Variants in WEE1 observed in about 807,000 individuals in gnomAD.
The protein encoded by WEE1 is wee1-like protein kinase.
In WEE1, 16 loss-of-function variants were observed where a neutral mutation model predicts 68.8. The ratio of observed to expected loss-of-function variants is 0.23; its 90% CI spans 0.16 to 0.35. The LOEUF is 0.35. WEE1 is among the 10% of genes least tolerant of loss of function. The pLI is 1.00. For synonymous variants in WEE1, 349 were observed against 318.7 expected (o/e 1.09, Z -1.01); for missense variants, 651 against 824.1 (o/e 0.79, Z 2.57).
Position 9,589,213 on chromosome 11 carries a change from C to T in WEE1, c.*611C>T. The T allele has an allele frequency of 1.0e-6, 1 of 983,766 alleles. No individual in the cohort carries two copies. The highest frequency in any genetic ancestry group is 4.7e-5 in the South Asian group (1 of 21,244). The allele number at this position is 983,766 out of a possible 1,614,324, so 60.9% of individuals were successfully genotyped here. On this transcript the variant is annotated 3_prime_UTR_variant, in exon 11 of 11. Coordinates refer to ENST00000450114, the MANE Select transcript of WEE1 (RefSeq NM_003390.4). ...TAAACAATCATTGTTGTTAATAGGT[C>T]TTCTTTTTGAAACAATTATGTGAAA...
rs1849564248 is a variant in WEE1, at chr11:9,576,260, T to C, written c.813T>C (p.Asp271=). 4 of 1,518,718 alleles carry C rather than the reference T, an allele frequency of 2.6e-6. No homozygotes were observed. Among genetic ancestry groups the C allele is most frequent in the Non-Finnish European group, 3.6e-6 (4 of 1,116,650 alleles). 94.1% of individuals were successfully genotyped at this position (1,518,718 alleles called of 1,614,324 possible). Residue 271 remains aspartate, a synonymous_variant, in exon 3 of 11, where the codon GAT becomes GAC. Coordinates refer to ENST00000450114, the MANE Select transcript of WEE1 (RefSeq NM_003390.4). This position sits in a 1 kb window ranked among gnomAD's most constrained non-coding sequence, Gnocchi z 4.3. ...GTGGTGAAGACATGGAAGCCAGTGA[T>C]TATGAGCTTGAAGATGAAACAAGAC... ...DSCGEDMEAS[D]YELEDETRPA...
At position 9,585,488 on chromosome 11, in the gene WEE1, G is replaced by A; in HGVS notation, c.1431G>A (p.Glu477=). The A allele has an allele frequency of 6.3e-7, 1 of 1,599,054 alleles. No individual in the cohort carries two copies. Among genetic ancestry groups the A allele is most frequent in the African/African-American group, 1.4e-5 (1 of 74,012 alleles). ...GGATCTCCAGTCCACAAGTTGAAGA[G>A]GGCGATAGTCGTTTTCTTGCAAATG... ...VTRISSPQVE[E]GDSRFLANEV... The change falls in exon 8 of 11, where the codon GAG becomes GAA. Residue 477 remains glutamate (E), a synonymous_variant. Coordinates refer to ENST00000450114, the MANE Select transcript of WEE1 (RefSeq NM_003390.4).
intron 6 of WEE1, among the ~76,000 whole-genome samples, chr11:9,583,040 G>A (rs1039941714): frequency 1.3e-5 from 2 of 152,122 alleles, no homozygotes; most frequent in African/African-American, 4.8e-5. Flanking sequence ...TTTAGACCAG[G>A]TGCAGTGGCT....
chr11:9,586,723 C>G lies in WEE1; in HGVS notation c.1654C>G (p.Pro552Ala), dbSNP rs970706601. ...FTELLKVMIHPDPERRPSAMA... is the reference protein window; with the variant it reads ...FTELLKVMIHADPERRPSAMA... ...TTTTCTTTTTAAGGTTATGATTCATCCAGATCCAGAGAGAAGACCTTCAGC... is the reference window on the plus strand; with the variant it reads ...TTTTCTTTTTAAGGTTATGATTCATGCAGATCCAGAGAGAAGACCTTCAGC... The change falls in exon 10 of 11, where the codon CCA becomes GCA. Residue 552 changes from proline to alanine, a missense_variant. Pro to Ala is a conservative substitution (Grantham distance 27, BLOSUM62 -1). Coordinates refer to ENST00000450114, the MANE Select transcript of WEE1 (RefSeq NM_003390.4). The G allele has an allele frequency of 6.2e-7, 1 of 1,613,554 alleles. No individual in the cohort carries two copies. The highest frequency in any genetic ancestry group is 1.3e-5 in the African/African-American group (1 of 74,986).
chr11:9,574,249 G>A lies in WEE1; in HGVS notation c.316G>A (p.Gly106Ser). The A allele has an allele frequency of 9.1e-6, 11 of 1,205,748 alleles. No homozygotes were observed. Among genetic ancestry groups the A allele is most frequent in the Non-Finnish European group, 1.1e-5 (11 of 969,392 alleles). The allele number at this position is 1,205,748 out of a possible 1,614,324, so 74.7% of individuals were successfully genotyped here. A position where few individuals can be genotyped will look rare whatever the true frequency, so the allele number is the denominator to read the frequency against. The change falls in exon 1 of 11, where the codon GGC becomes AGC. Residue 106 changes from glycine (G) to serine (S), a missense_variant. Gly to Ser is a moderately conservative substitution (Grantham distance 56, BLOSUM62 0). Around this residue, in one of 5 missense-constraint regions of WEE1, gnomAD observed 395 missense variants for 378.4 expected, o/e 1.04. Transcript: ENST00000450114. The surrounding 1 kb of genome is among the most constrained non-coding windows in gnomAD (Gnocchi z 4.9). ...CGCCTGCCCGGGCGCGGACGAGGCGGGCGGTGGGGCGGAGGGCGACTCGTG... is the reference window on the plus strand; with the variant it reads ...CGCCTGCCCGGGCGCGGACGAGGCGAGCGGTGGGGCGGAGGGCGACTCGTG... ...PGACPGADEA[G>S]GGAEGDSWEE... is the part of the protein sequence containing the mutation.
At chr11:9,585,395 G>T in intron 7 of WEE1, 42 bp downstream of exon 7, 1 of 1,608,030 alleles carries the variant, frequency 6.2e-7, no homozygotes, top group Non-Finnish European at 8.5e-7. Context: ...ATAAAGAGAA[G>T]GCTGTTTTGT....
At chr11:9,583,794 CACACACACATATATATAT>C (rs1565090031) in intron 6 of WEE1, among the ~76,000 whole-genome samples, 43 of 27,552 alleles carry the variant, frequency 1.6e-3, no homozygotes, top group Middle Eastern at 0.013. Context: ...CACACACACA[CACACACACATATATATAT>C]ATATATATAT....
chr11:9,588,973 A>G lies in WEE1; in HGVS notation c.*371A>G. 1.0e-6 allele frequency: 1 copy of G among 987,604 alleles called. No homozygotes were observed. Among genetic ancestry groups the G allele is most frequent in the Admixed American group, 6.1e-5 (1 of 16,466 alleles). 61.2% of individuals were successfully genotyped at this position (987,604 alleles called of 1,614,324 possible). A position where few individuals can be genotyped will look rare whatever the true frequency, so the allele number is the denominator to read the frequency against. ...TTACAGACATACCCTCCCTTTGAAA[A>G]GGGACATGCTAAAAGACTCATTACT... On this transcript the variant is annotated 3_prime_UTR_variant, in exon 11 of 11. Transcript: ENST00000450114.
In WEE1 at chr11:9,574,884, G is replaced by A; in HGVS notation, c.576+375G>A. ...GCCACCTGACACTCCCGAGCCATAG[G>A]ATGCCTTTTAAACGCGGCGATCGGG... On this transcript the variant is annotated intron_variant, in intron 1 of 10. Transcript: ENST00000450114. The surrounding 1 kb of genome is among the most constrained non-coding windows in gnomAD (Gnocchi z 4.9). The A allele has an allele frequency of 2.0e-6, 2 of 986,834 alleles. No individual in the cohort carries two copies. Among genetic ancestry groups the A allele is most frequent in the Non-Finnish European group, 2.4e-6 (2 of 830,934 alleles). 61.1% of individuals were successfully genotyped at this position (986,834 alleles called of 1,614,324 possible). A position where few individuals can be genotyped will look rare whatever the true frequency, so the allele number is the denominator to read the frequency against.
In WEE1 at chr11:9,585,366, AT is replaced by A; in HGVS notation, c.1384+14del. 6.2e-7 allele frequency: 1 copy of A among 1,612,384 alleles called. No individual in the cohort carries two copies. The highest frequency in any genetic ancestry group is 1.1e-5 in the South Asian group (1 of 90,766). On this transcript the variant is annotated intron_variant, in intron 7 of 10. Coordinates refer to ENST00000450114, the MANE Select transcript of WEE1 (RefSeq NM_003390.4). Reference sequence around the variant, plus strand: ...ATGTTTAAAATAGGTAAGAAAGGTAATCAGATTATTACCTTCAGATAAAGAG... The same window carrying A: ...ATGTTTAAAATAGGTAAGAAAGGTAACAGATTATTACCTTCAGATAAAGAG...
intron 5 of WEE1, chr11:9,579,183 G>A (rs1186492399): frequency 2.0e-5 from 3 of 152,140 alleles, no homozygotes; most frequent in Non-Finnish European, 4.4e-5. Flanking sequence ...TAAAACTCTT[G>A]AAGAAAATAA....
rs61158431 is a variant in WEE1, at chr11:9,578,879, TTTTATTTATTTATTTATTTA to T, written c.1141+1640_1141+1659del. 211 of 142,244 alleles carry T rather than the reference TTTTATTTATTTATTTATTTA, an allele frequency of 1.5e-3. 4 individuals are homozygous for T. The highest frequency in any genetic ancestry group is 5.1e-3 in the African/African-American group (198 of 38,678). 8.8% of individuals were successfully genotyped at this position (142,244 alleles called of 1,614,324 possible). A position where few individuals can be genotyped will look rare whatever the true frequency, so the allele number is the denominator to read the frequency against. ...ATAAAATAATCTATTGAAAATAAGT[TTTTATTTATTTATTTATTTA>T]TTTATTTATTTATTTATTTATTTTT... On this transcript the variant is annotated intron_variant, in intron 5 of 10. Coordinates refer to ENST00000450114, the MANE Select transcript of WEE1 (RefSeq NM_003390.4).
intron 5 of WEE1, 158 bp from the exon 6 acceptor site, chr11:9,581,374 C>A: frequency 1.6e-6 from 1 of 619,090 alleles, no homozygotes; most frequent in Non-Finnish European, 2.7e-6. Context: ...ATTGAAAAAA[C>A]AATAAAATTT....
Position 9,586,333 on chromosome 11 carries a change from G to A in WEE1, c.1471-116G>A, listed in dbSNP as rs990827541. 3.0e-5 allele frequency: 26 copies of A among 854,904 alleles called. No homozygotes were observed. The South Asian group carries it at 3.5e-4, about 11-fold the overall frequency. The allele number at this position is 854,904 out of a possible 1,614,324, so 53.0% of individuals were successfully genotyped here. ...CTCTGAATAGGTCCCAAACTTAAAT[G>A]TGGTATTAGACACTTTGATTAAGTC... On this transcript the variant is annotated intron_variant, in intron 8 of 10. Transcript: ENST00000450114.
At chr11:9,584,834 T>C (rs916889536) in intron 6 of WEE1, among the ~76,000 whole-genome samples, 1 of 152,192 alleles carries the variant, frequency 6.6e-6, no homozygotes, top group African/African-American at 2.4e-5. Flanking sequence ...CCCAGCACTT[T>C]GGGAGGCTGA....
At chr11:9,586,968 G>GT (rs1179685431) in intron 10 of WEE1, 112 bp downstream of exon 10, 5 of 1,245,208 alleles carry the variant, frequency 4.0e-6, no homozygotes, top group South Asian at 1.6e-5. Flanking sequence ...GGTTTTTTGT[G>GT]TTTTTTGTTT....
chr11:9,583,757 GCGCGCACACACA>G (rs1231584779), intron 6 of WEE1, among the ~76,000 whole-genome samples: 7 of 11,556 alleles, frequency 6.1e-4, no homozygotes, highest in African/African-American at 1.2e-3. Flanking sequence ...GCGTGCACGC[GCGCGCACACACA>G]CACACACACA....
intron 10 of WEE1, among the ~76,000 whole-genome samples, chr11:9,587,539 G>T (rs918288665): frequency 3.3e-5 from 5 of 152,140 alleles, no homozygotes; most frequent in Non-Finnish European, 5.9e-5. Context: ...TGAAATTAAT[G>T]TCAATTTGGT....
chr11:9,575,007 T>C, intron 1 of WEE1: 1 of 985,954 alleles, frequency 1.0e-6, no homozygotes, highest in Non-Finnish European at 1.2e-6. Flanking sequence ...GGGAAAGGTC[T>C]GGGGCATGCA....
Sources: gnomAD v4.1 joint callset for allele counts (sites outside exome capture counted in the v4.1 genomes callset) on GRCh38, gnomAD v4.1.1 for gene constraint, gnomAD v4.1.1 regional missense constraint, Gnocchi (gnomAD v3.1) non-coding constraint, MANE v1.5 for transcripts, NCBI Gene and HGNC (gene_info 2026-07-23, HGNC 2026-07-21) for gene names.